Variants in CORO1C observed in about 807,000 individuals in gnomAD.
CORO1C encodes coronin-1C.
CORO1C carries 14 observed loss-of-function variants against 51.2 expected under a neutral mutation model. The ratio of observed to expected loss-of-function variants is 0.27; its 90% CI spans 0.18 to 0.43. CORO1C has a LOEUF of 0.43. Ranked by LOEUF, CORO1C falls within the 20% of genes least tolerant of loss-of-function variation. The pLI, the probability that CORO1C is intolerant of heterozygous loss-of-function variation, is 1.00. For synonymous variants in CORO1C, 181 were observed against 210.5 expected (o/e 0.86, Z 1.21); for missense variants, 417 against 607.8 (o/e 0.69, Z 3.30).
intron 8 of CORO1C, among the ~76,000 whole-genome samples, chr12:108,650,772 G>A (rs753362647): frequency 6.6e-6 from 1 of 152,206 alleles, no homozygotes; most frequent in Non-Finnish European, 1.5e-5. Flanking sequence ...TGTGTTTATA[G>A]TCTGTCGAAC....
chr12:108,701,046 T>A, intron 2 of CORO1C, 78 bp downstream of exon 2: 2 of 1,461,312 alleles, frequency 1.4e-6, no homozygotes, highest in Non-Finnish European at 9.6e-7. Context: ...CAATTCTTAG[T>A]GAACTGTCAA....
At chr12:108,647,615 AT>A (rs1034083983) in intron 10 of CORO1C, 93 bp from the exon 11 acceptor site, 33 of 934,364 alleles carry the variant, frequency 3.5e-5, no homozygotes, top group Non-Finnish European at 4.9e-5. Context: ...GTAGTTTTCT[AT>A]TTTGCAAACG....
intron 6 of CORO1C, among the ~76,000 whole-genome samples, chr12:108,656,471 TG>T (rs1057129137): frequency 7.0e-4 from 105 of 149,468 alleles, no homozygotes; most frequent in African/African-American, 2.5e-3. Context: ...ATCCGGGAGG[TG>T]GGGGGCGCCT....
intron 2 of CORO1C, among the ~76,000 whole-genome samples, chr12:108,682,501 T>C (rs1592896844): frequency 6.6e-6 from 1 of 152,188 alleles, no homozygotes; most frequent in Non-Finnish European, 1.5e-5. Flanking sequence ...ATTGCCACTA[T>C]AAACTGTAAT....
chr12:108,646,356 AC>A lies in CORO1C; in HGVS notation c.*1046del, dbSNP rs2032360948. On this transcript the variant is annotated 3_prime_UTR_variant, in exon 11 of 11. Coordinates refer to ENST00000261401, the MANE Select transcript of CORO1C (RefSeq NM_014325.4). The stretch of plus-strand genomic sequence containing the variant: ...GGAAACAGGATCACCCAGGGCAAAT[AC>A]CCCTCTCCACATGCCCACATTTTTA... The A allele has an allele frequency of 6.6e-6, 1 of 151,790 alleles. No homozygotes were observed. Among genetic ancestry groups the A allele is most frequent in the Non-Finnish European group, 1.5e-5 (1 of 68,008 alleles). 9.4% of individuals were successfully genotyped at this position (151,790 alleles called of 1,614,324 possible).
chr12:108,672,969 C>T (rs2033773836), intron 3 of CORO1C, among the ~76,000 whole-genome samples: 1 of 152,114 alleles, frequency 6.6e-6, no homozygotes, highest in Non-Finnish European at 1.5e-5. Flanking sequence ...CCTTGGGCCT[C>T]CCTATTATCT....
At position 108,701,159 on chromosome 12, in the gene CORO1C, C is replaced by G. The variant is rs775238496; in HGVS notation, c.160G>C (p.Gly54Arg). The G allele has an allele frequency of 1.2e-6, 2 of 1,614,134 alleles. No individual in the cohort carries two copies. The highest frequency in any genetic ancestry group is 1.1e-5 in the South Asian group (1 of 91,074). The change falls in exon 2 of 11, where the codon GGG (glycine) becomes CGG (arginine). Residue 54 changes from glycine (G) to arginine (R), a missense_variant. By Grantham distance (125) the Gly-to-Arg change is moderately radical (BLOSUM62 -2). Coordinates refer to ENST00000261401, the MANE Select transcript of CORO1C (RefSeq NM_014325.4). ...GGGAGGACAAGGAACGCTCCTCCCC[C>G]ACTTGCCTCTATGATTATGGCAACA... ...RFVAIIIEASGGGAFLVLPLH... is the reference protein window; with the variant it reads ...RFVAIIIEASRGGAFLVLPLH...
chr12:108,660,466 A>G (rs1368353149), intron 4 of CORO1C, among the ~76,000 whole-genome samples: 8 of 151,890 alleles, frequency 5.3e-5, no homozygotes, highest in Non-Finnish European at 1.0e-4. Context: ...AAAAAAAAAA[A>G]AAAAAAAGAA....
At chr12:108,721,906 C>G (rs1592953666) in intron 1 of CORO1C, among the ~76,000 whole-genome samples, 2 of 151,878 alleles carry the variant, frequency 1.3e-5, no homozygotes, top group South Asian at 4.2e-4. Flanking sequence ...CTGTGAAGTT[C>G]CCAAATGGAA....
At chr12:108,705,217 G>A (rs909382678) in intron 1 of CORO1C, among the ~76,000 whole-genome samples, 9 of 152,026 alleles carry the variant, frequency 5.9e-5, no homozygotes, top group Non-Finnish European at 8.8e-5. Context: ...GGTGGCTCAC[G>A]CCTGTAATCC....
chr12:108,652,163 C>A, intron 8 of CORO1C, 109 bp downstream of exon 8: 1 of 934,016 alleles, frequency 1.1e-6, no homozygotes, highest in Non-Finnish European at 1.6e-6. Context: ...TACTTTCTTG[C>A]TCAGAATGGT....
intron 3 of CORO1C, among the ~76,000 whole-genome samples, chr12:108,668,911 C>T (rs2136821679): frequency 6.6e-6 from 1 of 152,316 alleles, no homozygotes; most frequent in African/African-American, 2.4e-5. Flanking sequence ...TAGGTAGCCA[C>T]AATCTTAAAA....
intron 3 of CORO1C, among the ~76,000 whole-genome samples, chr12:108,668,063 T>C (rs559355780): frequency 2.0e-5 from 3 of 152,246 alleles, no homozygotes; most frequent in Admixed American, 6.5e-5. Context: ...ATAAAAAGGG[T>C]TACACCCCCA....
intron 1 of CORO1C, among the ~76,000 whole-genome samples, chr12:108,710,148 A>T (rs944462255): frequency 4.6e-5 from 7 of 152,222 alleles, no homozygotes; most frequent in African/African-American, 1.4e-4. Context: ...GGTTTTTATT[A>T]TAATAAAAAT....
chr12:108,724,778 C>A (rs2035549159), intron 1 of CORO1C, among the ~76,000 whole-genome samples: 1 of 152,184 alleles, frequency 6.6e-6, no homozygotes, highest in Admixed American at 6.5e-5. Flanking sequence ...AATGTATAGG[C>A]CTTCCTACTC....
chr12:108,663,558 CA>C (rs2136815068), intron 3 of CORO1C, among the ~76,000 whole-genome samples: 1 of 152,250 alleles, frequency 6.6e-6, no homozygotes, highest in South Asian at 2.1e-4. Context: ...AAACATTATG[CA>C]AAGTGAAAGA....
chr12:108,684,885 C>T (rs1249192107), intron 2 of CORO1C, among the ~76,000 whole-genome samples: 2 of 151,852 alleles, frequency 1.3e-5, no homozygotes, highest in Non-Finnish European at 2.9e-5. Flanking sequence ...TTTTTTTTTA[C>T]TCCCAAGGAA....
At chr12:108,654,446 TG>T in intron 6 of CORO1C, 36 bp from the exon 7 acceptor site, 8 of 1,169,868 alleles carry the variant, frequency 6.8e-6, no homozygotes, top group Non-Finnish European at 9.9e-6. Context: ...TATATGTGTA[TG>T]TATACATTTT....
chr12:108,695,504 T>C (rs1369398505), intron 2 of CORO1C, among the ~76,000 whole-genome samples: 1 of 152,172 alleles, frequency 6.6e-6, no homozygotes, highest in African/African-American at 2.4e-5. Context: ...TGAATAATAA[T>C]TTTAATAATG....
Sources: gnomAD v4.1 joint callset for allele counts (sites outside exome capture counted in the v4.1 genomes callset) on GRCh38, gnomAD v4.1.1 for gene constraint, MANE v1.5 for transcripts, NCBI Gene and HGNC (gene_info 2026-07-23, HGNC 2026-07-21) for gene names.